The following INTU variants were observed in gnomAD, a reference collection of about 807,000 sequenced individuals.
INTU encodes protein inturned.
In INTU, 68 loss-of-function variants were observed where a neutral mutation model predicts 100.5. That is an observed-to-expected ratio of 0.68 (90% CI 0.56 to 0.83). INTU has a LOEUF of 0.83. Ranked by LOEUF, INTU falls within the 40% of genes least tolerant of loss-of-function variation. The probability of loss-of-function intolerance (pLI) is 0.00; values close to 1 mark genes in which losing one functional copy is unlikely to be tolerated. For synonymous variants in INTU, 357 were observed against 395.7 expected (o/e 0.90, Z 1.16); for missense variants, 1,071 against 1,114.7 (o/e 0.96, Z 0.56).
rs1049197826 is a variant in INTU, at chr4:127,650,039, C to T, written c.682+5983C>T. The stretch of plus-strand genomic sequence containing the variant: ...ACATACACATTTCTTTTAAAGTACA[C>T]GGAAAAGGAAATTTTTACCAAACAT... On this transcript the variant is annotated intron_variant, in intron 2 of 15. Coordinates refer to ENST00000335251, the MANE Select transcript of INTU (RefSeq NM_015693.4). Among the ~76,000 whole-genome samples, 4 of 151,948 alleles carry T rather than the reference C, an allele frequency of 2.6e-5. No individual in the cohort carries two copies. In the South Asian group the frequency reaches 6.2e-4, roughly 24 times the overall value.
intron 4 of INTU, among the ~76,000 whole-genome samples, chr4:127,667,525 T>C (rs896638101): frequency 6.6e-6 from 1 of 152,106 alleles, no homozygotes; most frequent in Non-Finnish European, 1.5e-5. Context: ...AAAGCTTAGC[T>C]TCTTCAAGTC....
At chr4:127,713,693 T>A (rs939612329) in intron 14 of INTU, among the ~76,000 whole-genome samples, 1 of 152,110 alleles carries the variant, frequency 6.6e-6, no homozygotes, top group East Asian at 1.9e-4. Flanking sequence ...ATATACATAC[T>A]AATAATATAG....
At chr4:127,708,422 C>G in intron 12 of INTU, 149 bp from the exon 13 acceptor site, 1 of 550,038 alleles carries the variant, frequency 1.8e-6, no homozygotes, top group Non-Finnish European at 3.3e-6. Context: ...ATGGATAAGC[C>G]AAGAGGTACA....
intron 1 of INTU, among the ~76,000 whole-genome samples, chr4:127,642,746 TATTTCA>T (rs2126177012): frequency 6.6e-6 from 1 of 152,288 alleles, no homozygotes; most frequent in Non-Finnish European, 1.5e-5. Context: ...TCCTTAATGC[TATTTCA>T]ATCATTTTAA....
chr4:127,640,544 TA>T, intron 1 of INTU, among the ~76,000 whole-genome samples: 1 of 3,570 alleles, frequency 2.8e-4, no homozygotes, highest in East Asian at 8.2e-3. Flanking sequence ...TAAAGATACA[TA>T]TATATATATA....
intron 6 of INTU, 92 bp downstream of exon 6, chr4:127,674,305 C>G: frequency 1.0e-6 from 1 of 965,708 alleles, no homozygotes; most frequent in Non-Finnish European, 1.6e-6. Flanking sequence ...AAAAGACAAA[C>G]TCCTTGAACA....
chr4:127,690,302 T>A (rs1034447126), intron 8 of INTU, among the ~76,000 whole-genome samples: 1 of 152,226 alleles, frequency 6.6e-6, no homozygotes, highest in African/African-American at 2.4e-5. Flanking sequence ...CTGTGTGAAT[T>A]CTGGTATACA....
chr4:127,712,546 C>T (rs78158321), intron 14 of INTU, among the ~76,000 whole-genome samples: 4,950 of 152,216 alleles, frequency 0.033, 250 homozygotes, highest in African/African-American at 0.11. Context: ...CCTTCCTTCA[C>T]GAAGCCTATT....
At chr4:127,671,648 AAGGT>A (rs1208578438) in intron 5 of INTU, among the ~76,000 whole-genome samples, 2 of 152,078 alleles carry the variant, frequency 1.3e-5, no homozygotes, top group African/African-American at 4.8e-5. Flanking sequence ...TTATATCAAA[AAGGT>A]ACCTGCACTC....
intron 5 of INTU, among the ~76,000 whole-genome samples, chr4:127,673,412 T>C (rs1729024894): frequency 6.6e-6 from 1 of 151,542 alleles, no homozygotes; most frequent in Non-Finnish European, 1.5e-5. Flanking sequence ...CTCAAACTCC[T>C]GGGCTCAAGT....
chr4:127,687,305 C>G (rs2126231235), intron 7 of INTU: 2 of 153,660 alleles, frequency 1.3e-5, no homozygotes, highest in South Asian at 4.1e-4. Context: ...TTTATCATTC[C>G]ACGTTGCCTG....
In INTU at chr4:127,725,116, T is replaced by A. The variant is rs1426474185; in HGVS notation, c.*8680T>A. The A allele has an allele frequency of 1.4e-5, 2 of 142,690 alleles. No individual in the cohort carries two copies. The highest frequency in any genetic ancestry group is 5.3e-5 in the African/African-American group (2 of 37,690). The allele number at this position is 142,690 out of a possible 1,614,324, so 8.8% of individuals were successfully genotyped here. On this transcript the variant is annotated 3_prime_UTR_variant, in exon 16 of 16. Transcript: ENST00000335251. ...GGCTGGTCAACATGGTGAAACCCTG[T>A]CTCTACTAAAAATACTAAAAAAAAA...
At chr4:127,675,828 C>A in intron 6 of INTU, 1 of 205,720 alleles carries the variant, frequency 4.9e-6, no homozygotes, top group South Asian at 6.1e-5. Context: ...TGCTACAAGA[C>A]CTTTTATGGC....
chr4:127,661,811 G>C (rs1378587044), intron 3 of INTU, among the ~76,000 whole-genome samples: 1 of 152,132 alleles, frequency 6.6e-6, no homozygotes, highest in East Asian at 1.9e-4. Flanking sequence ...CCCAGTAGAG[G>C]GGTTGCTGGA....
At chr4:127,661,592 C>T (rs906469122) in intron 3 of INTU, among the ~76,000 whole-genome samples, 18 of 152,012 alleles carry the variant, frequency 1.2e-4, no homozygotes, top group African/African-American at 3.6e-4. Flanking sequence ...CCTTCTGTAC[C>T]GCTCACACAT....
intron 4 of INTU, among the ~76,000 whole-genome samples, 170 bp from the exon 5 acceptor site, chr4:127,668,866 T>G (rs1032966799): frequency 2.6e-5 from 4 of 151,846 alleles, no homozygotes; most frequent in Admixed American, 2.0e-4. Context: ...TACATGCTAG[T>G]TAATGTGTTA....
At chr4:127,637,691 A>G (rs1727132198) in intron 1 of INTU, among the ~76,000 whole-genome samples, 2 of 152,222 alleles carry the variant, frequency 1.3e-5, no homozygotes, top group South Asian at 4.1e-4. Context: ...GTCCCATCTG[A>G]CATCTTTAAA....
intron 8 of INTU, 41 bp downstream of exon 8, chr4:127,687,908 C>T (rs1287648392): frequency 3.8e-6 from 5 of 1,328,794 alleles, no homozygotes; most frequent in Non-Finnish European, 5.1e-6. Flanking sequence ...AACCAGGTGC[C>T]TTATTATAAT....
chr4:127,669,117 G>T lies in INTU; in HGVS notation c.1054G>T (p.Asp352Tyr). The change falls in exon 5 of 16, where the codon GAC becomes TAC. Residue 352 changes from aspartate (D) to tyrosine (Y), a missense_variant. Physicochemically the swap from Asp to Tyr is radical, Grantham distance 160. Coordinates refer to ENST00000335251, the MANE Select transcript of INTU (RefSeq NM_015693.4). Reference protein sequence around the residue: ...SVRGIFLTLCDMLENVTGTQV... With the variant: ...SVRGIFLTLCYMLENVTGTQV... The stretch of plus-strand genomic sequence containing the variant: ...GAGAGGGATTTTTCTCACACTCTGT[G>T]ACATGCTGGAAAACGTAACTGGGAC... 1 of 1,543,832 alleles carries T rather than the reference G, an allele frequency of 6.5e-7. No individual in the cohort carries two copies. The highest frequency in any genetic ancestry group is 1.2e-5 in the South Asian group (1 of 81,474).
Sources: gnomAD v4.1 joint callset for allele counts (sites outside exome capture counted in the v4.1 genomes callset) on GRCh38, gnomAD v4.1.1 for gene constraint, MANE v1.5 for transcripts, NCBI Gene and HGNC (gene_info 2026-07-23, HGNC 2026-07-21) for gene names.